Variants in DAB1 observed in about 807,000 individuals in gnomAD.
DAB1 encodes DAB adaptor protein 1.
DAB1 carries 15 observed loss-of-function variants against 64.6 expected under a neutral mutation model. That is an observed-to-expected ratio of 0.23 (90% CI 0.16 to 0.36). The LOEUF is 0.36. Among genes scored for constraint, DAB1 ranks in the 10% least tolerant of loss-of-function variants. DAB1 has a pLI of 1.00. For missense variants in DAB1, 596 were observed against 706.7 expected (o/e 0.84, Z 1.78); for synonymous variants, 235 against 251.9 (o/e 0.93, Z 0.64).
chr1:57,571,260 G>A (rs1333009289), intron 7 of DAB1, among the ~76,000 whole-genome samples: 4 of 152,270 alleles, frequency 2.6e-5, no homozygotes, highest in African/African-American at 2.4e-5. Context: ...AGTGGTGAAA[G>A]TGGGCATCCT....
intron 5 of DAB1, among the ~76,000 whole-genome samples, chr1:57,929,245 T>A (rs745685901): frequency 1.2e-4 from 19 of 152,246 alleles, no homozygotes; most frequent in Non-Finnish European, 2.4e-4. Context: ...TTTGGTGAGA[T>A]GTATGTAAAG....
At chr1:57,224,043 A>T (rs1667081417) in intron 2 of DAB1, among the ~76,000 whole-genome samples, 1 of 152,116 alleles carries the variant, frequency 6.6e-6, no homozygotes. Context: ...CCTGCCTTGC[A>T]CTTAGAACTT....
At chr1:58,281,944 C>T (rs1056321853) in intron 4 of DAB1, among the ~76,000 whole-genome samples, 1 of 152,070 alleles carries the variant, frequency 6.6e-6, no homozygotes, top group African/African-American at 2.4e-5. Context: ...ATCACCACCC[C>T]GTCATCATCA....
intron 3 of DAB1, among the ~76,000 whole-genome samples, chr1:58,412,029 A>T (rs1010708070): frequency 2.0e-5 from 3 of 152,182 alleles, no homozygotes; most frequent in African/African-American, 7.2e-5. Flanking sequence ...ATGTTGCACA[A>T]AGAATAACCC....
intron 6 of DAB1, among the ~76,000 whole-genome samples, chr1:57,668,811 G>T (rs1295832899): frequency 1.3e-5 from 2 of 152,090 alleles, no homozygotes; most frequent in African/African-American, 4.8e-5. Flanking sequence ...CATGTCTGAA[G>T]ATCCGATCCC....
At chr1:58,498,730 TAATG>T (rs1645847177) in intron 3 of DAB1, among the ~76,000 whole-genome samples, 1 of 152,196 alleles carries the variant, frequency 6.6e-6, no homozygotes, top group South Asian at 2.1e-4. Context: ...TTTCCCTCAT[TAATG>T]AGTTAAATAA....
At chr1:57,600,149 C>A (rs1295671387) in intron 7 of DAB1, among the ~76,000 whole-genome samples, 4 of 152,112 alleles carry the variant, frequency 2.6e-5, no homozygotes. Context: ...CTGTGTTGTG[C>A]CATTGTCTAC....
chr1:58,388,813 T>C (rs1644454411), intron 3 of DAB1, among the ~76,000 whole-genome samples: 1 of 152,174 alleles, frequency 6.6e-6, no homozygotes, highest in African/African-American at 2.4e-5. Flanking sequence ...TGATATAGTA[T>C]AGCACAATAG....
intron 3 of DAB1, among the ~76,000 whole-genome samples, chr1:57,140,398 A>C (rs1658486894): frequency 6.6e-6 from 1 of 152,194 alleles, no homozygotes; most frequent in African/African-American, 2.4e-5. Flanking sequence ...TAAAGGGGCT[A>C]ATAAGTCATA....
chr1:58,118,583 T>C lies in DAB1; in HGVS notation n.387+31928A>G, dbSNP rs1468506686. 9.9e-5 allele frequency among the ~76,000 whole-genome samples: 9 copies of C among 90,942 alleles called. No individual in the cohort carries two copies. In the East Asian group the frequency reaches 3.7e-3, roughly 38 times the overall value. The allele number at this position is 90,942 out of a possible 152,430, so 59.7% of individuals were successfully genotyped here. A position where few individuals can be genotyped will look rare whatever the true frequency, so the allele number is the denominator to read the frequency against. ...TAAAATACATATATATATATACATA[T>C]ATATATAAAATACTATATATATATA... is the stretch of plus-strand genomic sequence containing the variant. On this transcript the variant is annotated intron_variant and non_coding_transcript_variant, in intron 5 of 20. Transcript: ENST00000485760.
chr1:57,790,247 C>T (rs546202652), intron 6 of DAB1, among the ~76,000 whole-genome samples: 1 of 152,284 alleles, frequency 6.6e-6, no homozygotes, highest in African/African-American at 2.4e-5. Flanking sequence ...GAGAAGTTAC[C>T]TCCATGCTGT....
chr1:57,200,471 G>C (rs1198490744), intron 2 of DAB1, among the ~76,000 whole-genome samples: 1 of 152,180 alleles, frequency 6.6e-6, no homozygotes, highest in Non-Finnish European at 1.5e-5. Flanking sequence ...TAGTATAGTG[G>C]TTACGAGCAT....
intron 4 of DAB1, among the ~76,000 whole-genome samples, chr1:58,294,933 G>A (rs1342236680): frequency 6.8e-6 from 1 of 147,680 alleles, no homozygotes; most frequent in Non-Finnish European, 1.5e-5. Flanking sequence ...CATATGTGTG[G>A]TGAGTGGTGA....
chr1:58,119,617 G>A lies in DAB1; in HGVS notation n.387+30894C>T, dbSNP rs568745922. On this transcript the variant is annotated intron_variant and non_coding_transcript_variant, in intron 5 of 20. Coordinates refer to the DAB1 transcript ENST00000485760. Reference sequence around the variant, plus strand: ...AAAACAGGGCCTGACCTGGAAACCTGAGTCTCCACTCATTGCTGTTGGAGA... The same window carrying A: ...AAAACAGGGCCTGACCTGGAAACCTAAGTCTCCACTCATTGCTGTTGGAGA... 1.5e-4 allele frequency among the ~76,000 whole-genome samples: 23 copies of A among 152,212 alleles called. No homozygotes were observed. The South Asian group carries it at 4.4e-3, about 29-fold the overall frequency.
chr1:57,907,008 T>C (rs559388833), intron 5 of DAB1, among the ~76,000 whole-genome samples: 2 of 152,120 alleles, frequency 1.3e-5, no homozygotes, highest in South Asian at 4.2e-4. Context: ...CAAAGGAACA[T>C]TGTAAGCAAC....
intron 2 of DAB1, among the ~76,000 whole-genome samples, chr1:57,188,751 C>T (rs557420731): frequency 1.3e-4 from 20 of 152,144 alleles, no homozygotes; most frequent in Non-Finnish European, 5.9e-5. Context: ...AGAAAGAAAC[C>T]TGGGTCTTGG....
chr1:57,287,070 GT>G lies in DAB1; in HGVS notation c.67+3893del, dbSNP rs201581275. Among the ~76,000 whole-genome samples, 167 of 152,158 alleles carry G rather than the reference GT, an allele frequency of 1.1e-3. 1 individual carries two copies. In the East Asian group the frequency reaches 0.023, roughly 21 times the overall value. ...ACATAAAGGGGAACTAACAAGGTAT[GT>G]TTTGTTTTGTTTTGTTTTGTGACAA... On this transcript the variant is annotated intron_variant, in intron 2 of 14. Transcript: ENST00000371236.
intron 4 of DAB1, among the ~76,000 whole-genome samples, chr1:57,083,158 C>T (rs912474942): frequency 2.0e-5 from 3 of 152,150 alleles, no homozygotes; most frequent in African/African-American, 7.2e-5. Flanking sequence ...TCAACCTTGC[C>T]TATTATTTCC....
chr1:57,523,841 C>T (rs1284307102), intron 7 of DAB1, among the ~76,000 whole-genome samples: 1 of 152,014 alleles, frequency 6.6e-6, no homozygotes, highest in Non-Finnish European at 1.5e-5. Flanking sequence ...ACGAGAATTG[C>T]TTGAACCCAG....
Sources: allele counts gnomAD v4.1 joint callset (sites outside exome capture counted in the v4.1 genomes callset), GRCh38; gene constraint gnomAD v4.1.1; transcripts MANE v1.5; gene names NCBI Gene and HGNC (gene_info 2026-07-23, HGNC 2026-07-21).